The following SMOC2 variants were observed in gnomAD, a reference collection of about 807,000 sequenced individuals.
SMOC2 encodes SPARC-related modular calcium-binding protein 2.
In SMOC2, 39 loss-of-function variants were observed where a neutral mutation model predicts 61.4. The observed-to-expected ratio is 0.64, with a 90% CI of 0.49 to 0.83. The LOEUF (loss-of-function observed/expected upper bound fraction) is 0.83. Ranked by LOEUF, SMOC2 falls within the 40% of genes least tolerant of loss-of-function variation. The probability of loss-of-function intolerance (pLI) is 0.00; values close to 1 mark genes in which losing one functional copy is unlikely to be tolerated. For missense variants in SMOC2, 556 were observed against 592.9 expected (o/e 0.94, Z 0.65); for synonymous variants, 247 against 239.9 (o/e 1.03, Z -0.27).
intron 7 of SMOC2, among the ~76,000 whole-genome samples, chr6:168,585,288 A>G (rs769714644): frequency 6.6e-6 from 1 of 152,062 alleles, no homozygotes; most frequent in Non-Finnish European, 1.5e-5. Context: ...CTGGAGTTTC[A>G]TGTAAATGGA....
At chr6:168,485,758 GTGT>G (rs902428045) in intron 1 of SMOC2, among the ~76,000 whole-genome samples, 4 of 152,154 alleles carry the variant, frequency 2.6e-5, no homozygotes, top group African/African-American at 9.7e-5. Context: ...TGTGTTAATA[GTGT>G]TGTGGAACTC....
intron 9 of SMOC2, among the ~76,000 whole-genome samples, chr6:168,619,944 G>A (rs949085262): frequency 6.6e-6 from 1 of 152,164 alleles, no homozygotes; most frequent in African/African-American, 2.4e-5. Flanking sequence ...ACTGTGCTCC[G>A]GCAGGCCGTT....
At chr6:168,655,671 G>T (rs1365691411) in intron 11 of SMOC2, among the ~76,000 whole-genome samples, 3 of 151,558 alleles carry the variant, frequency 2.0e-5, no homozygotes, top group African/African-American at 4.8e-5. Context: ...GTGTGTACTA[G>T]ATTTCCCTCA....
chr6:168,606,489 T>C (rs988528636), intron 8 of SMOC2, among the ~76,000 whole-genome samples: 7 of 152,144 alleles, frequency 4.6e-5, no homozygotes, highest in Admixed American at 2.0e-4. Context: ...GACAGCTGGA[T>C]GGGGTCCTCT....
intron 1 of SMOC2, among the ~76,000 whole-genome samples, chr6:168,503,835 C>A (rs140835711): frequency 1.8e-3 from 277 of 152,046 alleles, no homozygotes; most frequent in Middle Eastern, 6.8e-3. Context: ...CAGGGAGGAT[C>A]AAAAAAACGC....
intron 7 of SMOC2, among the ~76,000 whole-genome samples, chr6:168,596,592 G>A (rs899689233): frequency 3.3e-5 from 5 of 152,220 alleles, no homozygotes; most frequent in Non-Finnish European, 5.9e-5. Flanking sequence ...GCTGCTCTCC[G>A]GAGGCGCAGT....
At chr6:168,643,055 A>G (rs1167821879) in intron 9 of SMOC2, among the ~76,000 whole-genome samples, 1 of 152,132 alleles carries the variant, frequency 6.6e-6, no homozygotes, top group African/African-American at 2.4e-5. Flanking sequence ...GGCCCTGGTT[A>G]TAACCAAACC....
Position 168,448,157 on chromosome 6 carries a change from G to T in SMOC2, c.84+6703G>T, listed in dbSNP as rs1044584896. 7.2e-5 allele frequency among the ~76,000 whole-genome samples: 11 copies of T among 152,294 alleles called. No homozygotes were observed. In the East Asian group the frequency reaches 2.1e-3, roughly 29 times the overall value. ...TAGTGGTGAGTTGATGATATTGAGGGCTGAGTTGTGAAGGAGCAAAATCCT... is the reference window on the plus strand; with the variant it reads ...TAGTGGTGAGTTGATGATATTGAGGTCTGAGTTGTGAAGGAGCAAAATCCT... On this transcript the variant is annotated intron_variant, in intron 1 of 12. Transcript: ENST00000356284.
At chr6:168,623,710 T>A (rs1228820682) in intron 9 of SMOC2, among the ~76,000 whole-genome samples, 1 of 151,638 alleles carries the variant, frequency 6.6e-6, no homozygotes, top group African/African-American at 2.4e-5. Flanking sequence ...CTCAGGAAGG[T>A]GAGATGCTGG....
chr6:168,563,891 C>T (rs987151950), intron 7 of SMOC2, among the ~76,000 whole-genome samples: 3 of 152,096 alleles, frequency 2.0e-5, no homozygotes, highest in Admixed American at 6.5e-5. Context: ...CAGAGCTCTG[C>T]GTCTCCGGCT....
rs528065981 is a variant in SMOC2, at chr6:168,445,741, T to G, written c.84+4287T>G. 2.0e-5 allele frequency among the ~76,000 whole-genome samples: 3 copies of G among 152,300 alleles called. No individual in the cohort carries two copies. In the South Asian group the frequency reaches 6.2e-4, roughly 32 times the overall value. On this transcript the variant is annotated intron_variant, in intron 1 of 12. Transcript: ENST00000356284. ...CGAAGGTGGTTAAGGAGGAGAGAACTAAACATAATCAAAATTTTCCAACTT... is the reference window on the plus strand; with the variant it reads ...CGAAGGTGGTTAAGGAGGAGAGAACGAAACATAATCAAAATTTTCCAACTT...
chr6:168,583,356 T>C (rs574608078), intron 7 of SMOC2, among the ~76,000 whole-genome samples: 1 of 151,108 alleles, frequency 6.6e-6, no homozygotes, highest in South Asian at 2.1e-4. Flanking sequence ...CCTCACCCCT[T>C]CCCAGCTCCA....
intron 1 of SMOC2, among the ~76,000 whole-genome samples, chr6:168,499,373 C>T (rs1203494700): frequency 6.6e-6 from 1 of 152,194 alleles, no homozygotes; most frequent in Non-Finnish European, 1.5e-5. Context: ...CTCATTTAAC[C>T]TCTGTAATCT....
At chr6:168,519,968 C>A (rs1346300395) in intron 2 of SMOC2, among the ~76,000 whole-genome samples, 7 of 151,410 alleles carry the variant, frequency 4.6e-5, no homozygotes, top group Non-Finnish European at 1.0e-4. Flanking sequence ...TGCCTTTATG[C>A]ATTTAAAAAG....
intron 1 of SMOC2, among the ~76,000 whole-genome samples, chr6:168,498,172 A>G (rs1321814987): frequency 2.0e-5 from 3 of 152,242 alleles, no homozygotes; most frequent in Non-Finnish European, 2.9e-5. Flanking sequence ...ATTTCACCGA[A>G]TAACACAGTC....
chr6:168,519,158 T>C (rs1583075334), intron 2 of SMOC2, among the ~76,000 whole-genome samples: 1 of 151,878 alleles, frequency 6.6e-6, no homozygotes, highest in African/African-American at 2.4e-5. Flanking sequence ...CATGCGTGTG[T>C]GTATGCGTGC....
At chr6:168,596,206 C>A (rs9364264) in intron 7 of SMOC2, among the ~76,000 whole-genome samples, 176 of 91,380 alleles carry the variant, frequency 1.9e-3, no homozygotes, top group African/African-American at 6.8e-3. Flanking sequence ...GCTGGAGAGG[C>A]ATGAACAAGC....
chr6:168,542,898 T>A (rs1256459650), intron 4 of SMOC2, among the ~76,000 whole-genome samples: 2 of 152,210 alleles, frequency 1.3e-5, no homozygotes, highest in Non-Finnish European at 2.9e-5. Context: ...TCTAAGATGT[T>A]TCCCCTGAGG....
chr6:168,481,446 A>G (rs1782204823), intron 1 of SMOC2, among the ~76,000 whole-genome samples: 1 of 152,106 alleles, frequency 6.6e-6, no homozygotes, highest in African/African-American at 2.4e-5. Context: ...ATTTAAATAA[A>G]AATGTTCTTA....
Sources: gnomAD v4.1 joint callset for allele counts (sites outside exome capture counted in the v4.1 genomes callset) on GRCh38, gnomAD v4.1.1 for gene constraint, MANE v1.5 for transcripts, NCBI Gene and HGNC (gene_info 2026-07-23, HGNC 2026-07-21) for gene names.